The following P3H4 variants were observed in gnomAD, a reference collection of about 807,000 sequenced individuals.
The protein encoded by P3H4 is endoplasmic reticulum protein SC65.
A neutral mutation model predicts 52.9 loss-of-function variants in P3H4; 47 were observed. The ratio of observed to expected loss-of-function variants is 0.89; its 90% CI spans 0.70 to 1.13. The LOEUF is 1.13. Among genes scored for constraint, P3H4 ranks in the 50% most tolerant of loss-of-function variants. P3H4 has a pLI of 0.00. For synonymous variants in P3H4, 256 were observed against 267.9 expected, an observed-to-expected ratio of 0.96 and a Z score of 0.44; for missense variants, 585 against 611.0, an observed-to-expected ratio of 0.96 and a Z score of 0.45.
In P3H4 at chr17:41,802,832, G is replaced by T; in HGVS notation, c.*125C>A. 5 of 1,008,060 alleles carry T rather than the reference G, an allele frequency of 5.0e-6. No homozygotes were observed. Among genetic ancestry groups the T allele is most frequent in the Non-Finnish European group, 7.5e-6 (5 of 663,122 alleles). The allele number at this position is 1,008,060 out of a possible 1,614,324, so 62.4% of individuals were successfully genotyped here. ...CTCCCAAAATGCTGGGATTACAGGT[G>T]TGAGCCACCGCACCTGGCCCATCTT... is the stretch of plus-strand genomic sequence containing the variant. On this transcript the variant is annotated 3_prime_UTR_variant, in exon 8 of 8. Transcript: ENST00000393928.
In P3H4 at chr17:41,802,068, TC is replaced by T. The variant is rs1555613585; in HGVS notation, c.*888del. On this transcript the variant is annotated 3_prime_UTR_variant, in exon 8 of 8. Coordinates refer to ENST00000393928, the MANE Select transcript of P3H4 (RefSeq NM_006455.3). Reference sequence around the variant, plus strand: ...GACCCTCTGCAATTTGGCCTGAGACTCCAGCCAGCAGCTGGAAACTCCTTGT... The same window carrying T: ...GACCCTCTGCAATTTGGCCTGAGACTCAGCCAGCAGCTGGAAACTCCTTGT... 6.6e-6 allele frequency: 1 copy of T among 152,282 alleles called. No individual in the cohort carries two copies. The highest frequency in any genetic ancestry group is 2.1e-4 in the South Asian group (1 of 4,832). The allele number at this position is 152,282 out of a possible 1,614,324, so 9.4% of individuals were successfully genotyped here. A position where few individuals can be genotyped will look rare whatever the true frequency, so the allele number is the denominator to read the frequency against.
chr17:41,803,057 A>C, intron 7 of P3H4, 78 bp from the exon 8 acceptor site: 1 of 1,535,780 alleles, frequency 6.5e-7, no homozygotes, highest in Non-Finnish European at 8.9e-7. Context: ...TCCTGATGGG[A>C]GGTGGGGTGA....
In P3H4 at chr17:41,803,407, G is replaced by C; in HGVS notation, c.1171C>G (p.Pro391Ala). 6.2e-7 allele frequency: 1 copy of C among 1,613,832 alleles called. No homozygotes were observed. The highest frequency in any genetic ancestry group is 2.2e-5 in the East Asian group (1 of 44,844). Residue 391 changes from proline (P) to alanine (A), a missense_variant, in exon 7 of 8, where the codon CCC becomes GCC. Coordinates refer to ENST00000393928, the MANE Select transcript of P3H4 (RefSeq NM_006455.3). ...DEMELEETEP[P>A]LEPEDALSDA... Reference sequence around the variant, plus strand: ...GATAGGGCATCCTCAGGCTCCAGGGGCGGTTCTGTCTCCTCCAGCTCCATC... The same window carrying C: ...GATAGGGCATCCTCAGGCTCCAGGGCCGGTTCTGTCTCCTCCAGCTCCATC...
At position 41,802,699 on chromosome 17, in the gene P3H4, C is replaced by G; in HGVS notation, c.*258G>C. 1 of 406,272 alleles carries G rather than the reference C, an allele frequency of 2.5e-6. No individual in the cohort carries two copies. Among genetic ancestry groups the G allele is most frequent in the Non-Finnish European group, 4.4e-6 (1 of 229,344 alleles). 25.2% of individuals were successfully genotyped at this position (406,272 alleles called of 1,614,324 possible). ...CTTGAGTAGCTGGGATTTCAGGCGC[C>G]TGCCACCACACCCGGCTAATTTATG... On this transcript the variant is annotated 3_prime_UTR_variant, in exon 8 of 8. Transcript: ENST00000393928.
chr17:41,808,040 C>A (rs1378515594), intron 4 of P3H4, 36 bp from the exon 5 acceptor site: 2 of 1,594,174 alleles, frequency 1.3e-6, no homozygotes, highest in Non-Finnish European at 1.7e-6. Context: ...TGCTCTGGCA[C>A]TTCCCCTTCA....
At chr17:41,806,670 A>G in intron 6 of P3H4, 126 bp downstream of exon 6, 1 of 737,148 alleles carries the variant, frequency 1.4e-6, no homozygotes, top group Non-Finnish European at 2.4e-6. Context: ...GGAACAGGCA[A>G]ACCTCTCTTC....
intron 6 of P3H4, among the ~76,000 whole-genome samples, chr17:41,805,665 A>G (rs1235813620): frequency 6.6e-6 from 1 of 152,144 alleles, no homozygotes; most frequent in Admixed American, 6.6e-5. Flanking sequence ...TGAGATGGGC[A>G]TGATTCTCCC....
intron 6 of P3H4, among the ~76,000 whole-genome samples, chr17:41,805,949 G>A (rs1354988587): frequency 6.6e-6 from 1 of 152,100 alleles, no homozygotes; most frequent in Admixed American, 6.6e-5. Context: ...GGCCGGGTGC[G>A]GCTGCTCACG....
In P3H4 at chr17:41,811,274, A is replaced by T; in HGVS notation, c.473T>A (p.Leu158Gln). Residue 158 changes from leucine to glutamine, a missense_variant, in exon 2 of 8, where the codon CTG (leucine) becomes CAG (glutamine). Coordinates refer to ENST00000393928, the MANE Select transcript of P3H4 (RefSeq NM_006455.3). This position sits in a 1 kb window ranked among gnomAD's most constrained non-coding sequence, Gnocchi z 4.8. The stretch of plus-strand genomic sequence containing the variant: ...GTAGGCCGCCGCCACCGCCTTCTCC[A>T]GCCGGTTAGCCTGGTCGGGGGGTAG... The part of the protein sequence containing the change: ...LHYALFKANR[L>Q]EKAVAAAYTF... The T allele has an allele frequency of 6.2e-7, 1 of 1,613,224 alleles. No individual in the cohort carries two copies. The highest frequency in any genetic ancestry group is 1.1e-5 in the South Asian group (1 of 91,084).
intron 6 of P3H4, among the ~76,000 whole-genome samples, chr17:41,805,858 G>A (rs1555614116): frequency 6.6e-6 from 1 of 152,080 alleles, no homozygotes; most frequent in African/African-American, 2.4e-5. Context: ...ACAAAGGAGA[G>A]GATACATAAA....
chr17:41,805,207 A>G (rs1192099883), intron 6 of P3H4, among the ~76,000 whole-genome samples: 1 of 149,694 alleles, frequency 6.7e-6, no homozygotes, highest in Non-Finnish European at 1.5e-5. Flanking sequence ...GAATGGCGTG[A>G]GAACCTGGGA....
chr17:41,802,543 C>T lies in P3H4; in HGVS notation c.*414G>A, dbSNP rs537585419. The T allele has an allele frequency of 2.3e-4, 47 of 207,208 alleles. 1 individual carries two copies. Among genetic ancestry groups the T allele is most frequent in the Admixed American group, 3.9e-4 (6 of 15,480 alleles). The allele number at this position is 207,208 out of a possible 1,614,324, so 12.8% of individuals were successfully genotyped here. On this transcript the variant is annotated 3_prime_UTR_variant, in exon 8 of 8. Coordinates refer to ENST00000393928, the MANE Select transcript of P3H4 (RefSeq NM_006455.3). The stretch of plus-strand genomic sequence containing the variant: ...TGCTGGGATTACAGGCGTGAGCCAC[C>T]GTGCCGGCCCGTCTTGTTTTTTTTT...
Position 41,802,902 on chromosome 17 carries a change from G to C in P3H4, c.*55C>G. 1.9e-6 allele frequency: 3 copies of C among 1,569,746 alleles called. No individual in the cohort carries two copies. In the South Asian group the frequency reaches 3.3e-5, roughly 18 times the overall value. On this transcript the variant is annotated 3_prime_UTR_variant, in exon 8 of 8. Coordinates refer to ENST00000393928, the MANE Select transcript of P3H4 (RefSeq NM_006455.3). ...CTTGCTGCTGCCCAGGCTGGTGAGG[G>C]TGGGGCCATCGGCACCAGGCTTCCC...
In P3H4 at chr17:41,806,918, C is replaced by T. The variant is rs782101923; in HGVS notation, c.1063-39G>A. The T allele has an allele frequency of 1.9e-6, 3 of 1,541,440 alleles. No individual in the cohort carries two copies. The South Asian group carries it at 3.4e-5, about 17-fold the overall frequency. ...AGGACGGGGTGGGGGGTGAGCCATACCCTGTTGCCAGATGGCAAGAAGCCA... is the reference window on the plus strand; with the variant it reads ...AGGACGGGGTGGGGGGTGAGCCATATCCTGTTGCCAGATGGCAAGAAGCCA... On this transcript the variant is annotated intron_variant, in intron 5 of 7. Transcript: ENST00000393928.
intron 6 of P3H4, among the ~76,000 whole-genome samples, chr17:41,805,302 C>CAAACAAACAAACAAACA (rs1278171670): frequency 1.3e-5 from 2 of 150,952 alleles, no homozygotes; most frequent in South Asian, 4.2e-4. Context: ...AACAAACAAA[C>CAAACAAACAAACAAACA]AAAAAAACAT....
chr17:41,803,490 G>A, intron 6 of P3H4, 59 bp from the exon 7 acceptor site: 1 of 1,518,576 alleles, frequency 6.6e-7, no homozygotes. Context: ...AACCCATATG[G>A]GCTCCCTTCC....
At chr17:41,809,946 A>G (rs2047711997) in intron 3 of P3H4, 112 bp from the exon 4 acceptor site, 1 of 1,281,150 alleles carries the variant, frequency 7.8e-7, no homozygotes, top group Non-Finnish European at 1.1e-6. Context: ...CTGCTTGTCC[A>G]GAAAATGTGT....
intron 6 of P3H4, among the ~76,000 whole-genome samples, chr17:41,803,953 T>C (rs1204971272): frequency 1.6e-4 from 21 of 131,438 alleles, no homozygotes; most frequent in African/African-American, 6.3e-4. Flanking sequence ...CATGACTTCC[T>C]TTTTTTTTTT....
chr17:41,806,658 A>C (rs925330327), intron 6 of P3H4, 138 bp downstream of exon 6: 1 of 688,982 alleles, frequency 1.5e-6, no homozygotes, highest in Admixed American at 2.1e-5. Context: ...CAGTCTAGAC[A>C]AGGAACAGGC....
Sources: allele counts gnomAD v4.1 joint callset (sites outside exome capture counted in the v4.1 genomes callset), GRCh38; gene constraint gnomAD v4.1.1; non-coding constraint Gnocchi (gnomAD v3.1); transcripts MANE v1.5; gene names NCBI Gene and HGNC (gene_info 2026-07-23, HGNC 2026-07-21).